KHDRBS3: variants seen among roughly 807,000 people sequenced by gnomAD.
The protein encoded by KHDRBS3 is KH domain-containing, RNA-binding, signal transduction-associated protein 3.
Under a neutral mutation model 45.6 loss-of-function variants are expected in KHDRBS3, and 23 were observed. The ratio of observed to expected loss-of-function variants is 0.50; its 90% CI spans 0.36 to 0.72. KHDRBS3 has a LOEUF of 0.72. Among genes scored for constraint, KHDRBS3 ranks in the 30% least tolerant of loss-of-function variants. KHDRBS3 has a pLI of 0.00. For synonymous variants in KHDRBS3, 162 were observed against 156.5 expected, an observed-to-expected ratio of 1.04 and a Z score of -0.26; for missense variants, 352 against 424.8, an observed-to-expected ratio of 0.83 and a Z score of 1.51.
chr8:135,566,913 G>T (rs1317664362), intron 5 of KHDRBS3, among the ~76,000 whole-genome samples: 1 of 152,120 alleles, frequency 6.6e-6, no homozygotes, highest in African/African-American at 2.4e-5. Context: ...CAAAGCCCCT[G>T]CTTTGGCTGG....
chr8:135,569,638 T>C (rs1439996678), intron 5 of KHDRBS3, among the ~76,000 whole-genome samples: 3 of 152,166 alleles, frequency 2.0e-5, no homozygotes, highest in Non-Finnish European at 4.4e-5. Context: ...TTTAACCTAC[T>C]GTAGAACGTG....
chr8:135,620,892 C>A (rs1176691662), intron 7 of KHDRBS3, among the ~76,000 whole-genome samples: 2 of 152,190 alleles, frequency 1.3e-5, no homozygotes, highest in African/African-American at 4.8e-5. Flanking sequence ...TAGAGTCCTG[C>A]AGCAGCAGGG....
chr8:135,510,347 G>A lies in KHDRBS3; in HGVS notation c.89-10890G>A, dbSNP rs112271516. 4.2e-3 allele frequency among the ~76,000 whole-genome samples: 640 copies of A among 152,306 alleles called. 12 individuals are homozygous for A. Among genetic ancestry groups the A allele is most frequent in the African/African-American group, 0.014 (579 of 41,568 alleles). On this transcript the variant is annotated intron_variant, in intron 1 of 8. Transcript: ENST00000355849. ...CTCAAGTGGTTCAGCGAAGGAGAGT[G>A]AGGGCAGAACTTTTATAAAATGTTT...
chr8:135,506,508 A>G (rs377630881), intron 1 of KHDRBS3, among the ~76,000 whole-genome samples: 8 of 151,554 alleles, frequency 5.3e-5, no homozygotes, highest in Admixed American at 1.3e-4. Flanking sequence ...GGTTCAAGCA[A>G]TTCTCCTGCC....
chr8:135,565,481 A>T (rs896826186), intron 5 of KHDRBS3, among the ~76,000 whole-genome samples: 5 of 152,078 alleles, frequency 3.3e-5, no homozygotes, highest in Admixed American at 2.0e-4. Flanking sequence ...GCTTTTATTT[A>T]TTTTTTTAGA....
intron 7 of KHDRBS3, among the ~76,000 whole-genome samples, chr8:135,641,199 A>G (rs1049324693): frequency 6.6e-6 from 1 of 152,210 alleles, no homozygotes; most frequent in Non-Finnish European, 1.5e-5. Context: ...GAACTGTGTT[A>G]TAGCACCTCA....
chr8:135,548,813 T>C lies in KHDRBS3; in HGVS notation c.384T>C (p.His128=). Residue 128 remains histidine, a synonymous_variant, in exon 4 of 9, where the codon CAT becomes CAC. Coordinates refer to ENST00000355849, the MANE Select transcript of KHDRBS3 (RefSeq NM_006558.3). Reference sequence around the variant, plus strand: ...ACTTCCATCTCAATGATGATCTCCATGTTCTCATTGAAGTGTTTGCCCCAC... The same window carrying C: ...ACTTCCATCTCAATGATGATCTCCACGTTCTCATTGAAGTGTTTGCCCCAC... The part of the protein sequence containing the change: ...AKYFHLNDDL[H]VLIEVFAPPA... 3.1e-6 allele frequency: 5 copies of C among 1,603,498 alleles called. No individual in the cohort carries two copies. The highest frequency in any genetic ancestry group is 1.3e-5 in the African/African-American group (1 of 74,644).
intron 7 of KHDRBS3, among the ~76,000 whole-genome samples, chr8:135,639,892 A>G (rs186521874): frequency 3.9e-5 from 6 of 152,304 alleles, no homozygotes; most frequent in African/African-American, 1.2e-4. Context: ...CCCACCTCCA[A>G]CACGGGGGAT....
chr8:135,631,964 G>C (rs1048503428), intron 7 of KHDRBS3, among the ~76,000 whole-genome samples: 7 of 152,160 alleles, frequency 4.6e-5, no homozygotes, highest in African/African-American at 1.7e-4. Flanking sequence ...TACAGCGATA[G>C]AAATATTTCA....
chr8:135,458,114 TGTGG>T, intron 1 of KHDRBS3, 160 bp downstream of exon 1: 2 of 1,388,092 alleles, frequency 1.4e-6, no homozygotes. Context: ...CCTGGGAGGC[TGTGG>T]GACACCTAGG....
Position 135,548,919 on chromosome 8 carries a change from G to C in KHDRBS3, c.471+19G>C, listed in dbSNP as rs747058319. 8.5e-6 allele frequency: 13 copies of C among 1,525,808 alleles called. No homozygotes were observed. The highest frequency in any genetic ancestry group is 1.4e-5 in the African/African-American group (1 of 71,214). The allele number at this position is 1,525,808 out of a possible 1,614,324, so 94.5% of individuals were successfully genotyped here. A position where few individuals can be genotyped will look rare whatever the true frequency, so the allele number is the denominator to read the frequency against. ...CATCCCTGTTAGTACCATTTTTCTT[G>C]ATAGTTAACTTGTACTTTAAAGTCT... is the stretch of plus-strand genomic sequence containing the variant. On this transcript the variant is annotated intron_variant, in intron 4 of 8. Coordinates refer to ENST00000355849, the MANE Select transcript of KHDRBS3 (RefSeq NM_006558.3).
At chr8:135,615,226 A>G (rs567715069) in intron 7 of KHDRBS3, among the ~76,000 whole-genome samples, 30 of 151,812 alleles carry the variant, frequency 2.0e-4, no homozygotes, top group Non-Finnish European at 3.8e-4. Flanking sequence ...GAGGCTGACT[A>G]AAGTTTAGCC....
chr8:135,589,170 C>T (rs182232936), intron 6 of KHDRBS3, among the ~76,000 whole-genome samples: 2 of 152,314 alleles, frequency 1.3e-5, no homozygotes, highest in Non-Finnish European at 2.9e-5. Flanking sequence ...GGATGCACAA[C>T]AGACAGAGGT....
intron 4 of KHDRBS3, among the ~76,000 whole-genome samples, chr8:135,555,251 C>G (rs1826817443): frequency 6.6e-6 from 1 of 152,094 alleles, no homozygotes; most frequent in African/African-American, 2.4e-5. Flanking sequence ...TGTGAAGATT[C>G]ACTCCTTATG....
chr8:135,512,436 G>GGA lies in KHDRBS3; in HGVS notation c.89-8800_89-8799insAG, dbSNP rs536973572. On this transcript the variant is annotated intron_variant, in intron 1 of 8. Transcript: ENST00000355849. ...TAAGGTGTTTGGAAAAGTCGGGGGG[G>GGA]GGGTAATAACTCTATTGATCTTATT... Among the ~76,000 whole-genome samples, 28 of 130,110 alleles carry GGA rather than the reference G, an allele frequency of 2.2e-4. 3 individuals are homozygous for GGA. The highest frequency in any genetic ancestry group is 2.6e-4 in the East Asian group (1 of 3,866). 85.4% of individuals were successfully genotyped at this position (130,110 alleles called of 152,430 possible).
At chr8:135,562,485 CT>C (rs1476785323) in intron 5 of KHDRBS3, among the ~76,000 whole-genome samples, 13 of 152,226 alleles carry the variant, frequency 8.5e-5, no homozygotes, top group Admixed American at 7.8e-4. Context: ...ACCTAAGGAG[CT>C]GTTCCTTAGA....
chr8:135,555,173 C>T (rs895059366), intron 4 of KHDRBS3, among the ~76,000 whole-genome samples: 1 of 152,178 alleles, frequency 6.6e-6, no homozygotes, highest in African/African-American at 2.4e-5. Flanking sequence ...CACTGACTTC[C>T]TGTGGCTTTT....
At chr8:135,598,533 T>C (rs1829070777) in intron 6 of KHDRBS3, among the ~76,000 whole-genome samples, 1 of 152,190 alleles carries the variant, frequency 6.6e-6, no homozygotes, top group Non-Finnish European at 1.5e-5. Context: ...TCACATAATA[T>C]TTTCCTCACA....
At chr8:135,617,028 C>T (rs891483411) in intron 7 of KHDRBS3, among the ~76,000 whole-genome samples, 2 of 151,978 alleles carry the variant, frequency 1.3e-5, no homozygotes, top group Admixed American at 1.3e-4. Context: ...TGAATGTCAG[C>T]TCTACTACTT....
Sources: allele counts gnomAD v4.1 joint callset (sites outside exome capture counted in the v4.1 genomes callset), GRCh38; gene constraint gnomAD v4.1.1; transcripts MANE v1.5; gene names NCBI Gene and HGNC (gene_info 2026-07-23, HGNC 2026-07-21).